The following GRID1 variants were observed in gnomAD, a reference collection of about 807,000 sequenced individuals.
GRID1 encodes glutamate receptor ionotropic, delta-1.
GRID1 carries 28 observed loss-of-function variants against 98.0 expected under a neutral mutation model. That is an observed-to-expected ratio of 0.29 (90% CI 0.21 to 0.39). GRID1 has a LOEUF of 0.39. Ranked by LOEUF, GRID1 falls within the 10% of genes least tolerant of loss-of-function variation. The pLI is 1.00. For synonymous variants in GRID1, 553 were observed against 538.5 expected (o/e 1.03, Z -0.37); for missense variants, 1,111 against 1,340.5 (o/e 0.83, Z 2.67).
At chr10:86,257,428 C>T (rs564507498) in intron 2 of GRID1, among the ~76,000 whole-genome samples, 19 of 152,112 alleles carry the variant, frequency 1.2e-4, no homozygotes, top group Non-Finnish European at 2.1e-4. Flanking sequence ...ATGAGCAAAA[C>T]GGAGCTCAAC....
chr10:86,348,967 G>A (rs754975250), intron 2 of GRID1, among the ~76,000 whole-genome samples: 2 of 152,244 alleles, frequency 1.3e-5, no homozygotes, highest in African/African-American at 2.4e-5. Context: ...TGCTCACCAG[G>A]AAGGGTCCAG....
At chr10:85,881,927 G>A (rs539197642) in intron 5 of GRID1, among the ~76,000 whole-genome samples, 1 of 152,008 alleles carries the variant, frequency 6.6e-6, no homozygotes, top group South Asian at 2.1e-4. Flanking sequence ...AAATTTACAA[G>A]AAAAAAACAA....
intron 5 of GRID1, among the ~76,000 whole-genome samples, chr10:85,888,489 T>C (rs759099258): frequency 1.3e-5 from 2 of 152,230 alleles, no homozygotes; most frequent in Admixed American, 1.3e-4. Context: ...CCCCATTTTA[T>C]CAATCAACTT....
intron 5 of GRID1, among the ~76,000 whole-genome samples, chr10:85,908,661 T>A (rs764757881): frequency 6.6e-6 from 1 of 152,190 alleles, no homozygotes; most frequent in African/African-American, 2.4e-5. Context: ...CCCAGTCAGC[T>A]TTTTTTAGAA....
intron 8 of GRID1, among the ~76,000 whole-genome samples, chr10:85,839,360 C>T (rs549578015): frequency 1.3e-5 from 2 of 152,178 alleles, no homozygotes; most frequent in African/African-American, 4.8e-5. Context: ...CCACATGGCA[C>T]ATATTTTACA....
chr10:85,984,062 C>G (rs1842578693), intron 4 of GRID1, among the ~76,000 whole-genome samples: 1 of 152,090 alleles, frequency 6.6e-6, no homozygotes, highest in South Asian at 2.1e-4. Context: ...GGAATGTAAT[C>G]TGAATCCAGC....
At chr10:85,817,660 G>A (rs540994130) in intron 8 of GRID1, among the ~76,000 whole-genome samples, 3 of 152,282 alleles carry the variant, frequency 2.0e-5, no homozygotes, top group East Asian at 1.9e-4. Flanking sequence ...TTGGGAGGCC[G>A]AGGCAGATGG....
chr10:86,077,187 T>C (rs919752002), intron 4 of GRID1, among the ~76,000 whole-genome samples: 2 of 136,318 alleles, frequency 1.5e-5, no homozygotes, highest in African/African-American at 2.7e-5. Context: ...CTGTGGGGTG[T>C]CATGCTTAGT....
intron 2 of GRID1, among the ~76,000 whole-genome samples, chr10:86,242,994 G>C (rs1846662856): frequency 1.3e-5 from 2 of 152,170 alleles, no homozygotes; most frequent in Admixed American, 1.3e-4. Context: ...CCAGGCTCAA[G>C]CTCCCTGTGT....
chr10:86,147,806 C>A (rs576087474), intron 3 of GRID1, among the ~76,000 whole-genome samples: 23 of 152,182 alleles, frequency 1.5e-4, no homozygotes, highest in Non-Finnish European at 3.1e-4. Flanking sequence ...CCCAGAACCC[C>A]GACCACATTT....
At chr10:86,234,290 C>T (rs187436869) in intron 2 of GRID1, among the ~76,000 whole-genome samples, 5 of 152,302 alleles carry the variant, frequency 3.3e-5, no homozygotes, top group East Asian at 3.9e-4. Context: ...AAACAAACAT[C>T]GGGCACGTCT....
At chr10:85,750,604 C>A (rs1842037600) in intron 8 of GRID1, among the ~76,000 whole-genome samples, 1 of 152,092 alleles carries the variant, frequency 6.6e-6, no homozygotes, top group South Asian at 2.1e-4. Flanking sequence ...AAATGAAATA[C>A]CTAGCAATGA....
At chr10:85,712,844 G>A (rs907685258) in intron 12 of GRID1, among the ~76,000 whole-genome samples, 2 of 150,846 alleles carry the variant, frequency 1.3e-5, no homozygotes, top group African/African-American at 4.9e-5. Context: ...AAAATCAAAA[G>A]GGATACTAAA....
intron 8 of GRID1, among the ~76,000 whole-genome samples, chr10:85,766,278 G>C (rs1213546076): frequency 3.3e-5 from 5 of 152,206 alleles, no homozygotes; most frequent in African/African-American, 1.2e-4. Flanking sequence ...ATAAGCCCAA[G>C]AGTTCGAGAC....
intron 3 of GRID1, among the ~76,000 whole-genome samples, chr10:86,166,103 A>C (rs944627821): frequency 1.3e-5 from 2 of 151,976 alleles, no homozygotes; most frequent in African/African-American, 2.4e-5. Flanking sequence ...TCTTTATATC[A>C]CTGTCACTAT....
chr10:85,766,730 T>TG lies in GRID1; in HGVS notation c.1234-37117_1234-37116insC, dbSNP rs71487230. ...ATGGAACTGTGTGAAAGGCAGATGA[T>TG]TGTGTGTGTGTGTGTGTGTGTGTGT... On this transcript the variant is annotated intron_variant, in intron 8 of 15. Transcript: ENST00000327946. Among the ~76,000 whole-genome samples the TG allele has an allele frequency of 2.9e-5, 4 of 138,440 alleles. No homozygotes were observed. In the South Asian group the frequency reaches 9.8e-4, roughly 34 times the overall value. The allele number at this position is 138,440 out of a possible 152,430, so 90.8% of individuals were successfully genotyped here.
At chr10:86,279,110 G>T (rs950106059) in intron 2 of GRID1, among the ~76,000 whole-genome samples, 1 of 152,184 alleles carries the variant, frequency 6.6e-6, no homozygotes, top group African/African-American at 2.4e-5. Flanking sequence ...GAGCTCTCAT[G>T]AATGTTATGA....
At chr10:85,899,401 C>G (rs1419483990) in intron 5 of GRID1, among the ~76,000 whole-genome samples, 4 of 152,158 alleles carry the variant, frequency 2.6e-5, no homozygotes, top group Non-Finnish European at 5.9e-5. Flanking sequence ...CTTTGATACA[C>G]TGATTTCATT....
At chr10:86,043,253 C>G (rs893325841) in intron 4 of GRID1, among the ~76,000 whole-genome samples, 11 of 152,230 alleles carry the variant, frequency 7.2e-5, no homozygotes, top group Non-Finnish European at 5.9e-5. Flanking sequence ...GAACTCTCCT[C>G]TCTACCAGCC....
Sources: allele counts gnomAD v4.1 joint callset (sites outside exome capture counted in the v4.1 genomes callset), GRCh38; gene constraint gnomAD v4.1.1; transcripts MANE v1.5; gene names NCBI Gene and HGNC (gene_info 2026-07-23, HGNC 2026-07-21).